The following ATR variants were observed in gnomAD, a reference collection of about 807,000 sequenced individuals.
The protein encoded by ATR is ATR checkpoint kinase.
Under a neutral mutation model 305.3 loss-of-function variants are expected in ATR, and 142 were observed. That is an observed-to-expected ratio of 0.47 (90% CI 0.41 to 0.53). The LOEUF is 0.53. ATR is among the 20% of genes least tolerant of loss of function. The pLI is 0.00. For synonymous variants in ATR, 1,050 were observed against 1,068.1 expected (o/e 0.98, Z 0.33); for missense variants, 2,135 against 3,133.1 (o/e 0.68, Z 7.60).
intron 44 of ATR, 110 bp downstream of exon 44, chr3:142,458,848 C>G: frequency 3.9e-6 from 5 of 1,290,070 alleles, no homozygotes; most frequent in Non-Finnish European, 4.4e-6. Flanking sequence ...CTCAGTATAA[C>G]TCAACTGTGA....
At chr3:142,473,890 C>A (rs557502700) in intron 36 of ATR, among the ~76,000 whole-genome samples, 1 of 150,762 alleles carries the variant, frequency 6.6e-6, no homozygotes, top group Non-Finnish European at 1.5e-5. Context: ...TTTTCTAGGT[C>A]CATACAAATT....
At chr3:142,477,827 G>A (rs1386275320) in intron 36 of ATR, among the ~76,000 whole-genome samples, 1 of 152,166 alleles carries the variant, frequency 6.6e-6, no homozygotes, top group African/African-American at 2.4e-5. Context: ...TTGGGAGGGT[G>A]TATGTGTCCA....
chr3:142,481,942 C>T (rs1476129978), intron 36 of ATR, among the ~76,000 whole-genome samples: 2 of 152,066 alleles, frequency 1.3e-5, no homozygotes, highest in African/African-American at 4.8e-5. Flanking sequence ...CTTGGCTTAG[C>T]TTCCCTTGTA....
chr3:142,512,273 C>A lies in ATR; in HGVS notation c.4839G>T (p.Lys1613Asn). ...KCPHSKSNRN[K>N]VDSMVSTVDY... ...GTGATAACTCACCCATTGAGTCTAC[C>A]TTATTTCTGTTTGATTTGCTGTGTG... Residue 1613 changes from lysine to asparagine, a missense_variant, in exon 27 of 47, where the codon AAG becomes AAT. Physicochemically the swap from Lys to Asn is moderately conservative, Grantham distance 94 (BLOSUM62 0). Transcript: ENST00000350721. 6.2e-7 allele frequency: 1 copy of A among 1,606,964 alleles called. No individual in the cohort carries two copies. Among genetic ancestry groups the A allele is most frequent in the Non-Finnish European group, 8.5e-7 (1 of 1,176,092 alleles).
chr3:142,571,207 C>T (rs2108501952), intron 1 of ATR, among the ~76,000 whole-genome samples: 1 of 152,272 alleles, frequency 6.6e-6, no homozygotes, highest in Admixed American at 6.5e-5. Flanking sequence ...GTGGCTCACG[C>T]CTGTAATACG....
At chr3:142,505,849 T>C (rs953625650) in intron 28 of ATR, among the ~76,000 whole-genome samples, 1 of 152,044 alleles carries the variant, frequency 6.6e-6, no homozygotes, top group Non-Finnish European at 1.5e-5. Flanking sequence ...AGACTGACGA[T>C]AGAGATTAGA....
chr3:142,450,005 C>G, intron 46 of ATR: 1 of 304,796 alleles, frequency 3.3e-6, no homozygotes, highest in Non-Finnish European at 6.2e-6. Flanking sequence ...TCTAAGTGAG[C>G]TACTTGGAAC....
In ATR at chr3:142,508,241, T is replaced by C. The variant is rs143109116; in HGVS notation, c.4853-132A>G. 9.8e-4 allele frequency: 737 copies of C among 751,170 alleles called. 4 individuals carry two copies. The highest frequency in any genetic ancestry group is 7.9e-3 in the African/African-American group (446 of 56,666). The allele number at this position is 751,170 out of a possible 1,614,324, so 46.5% of individuals were successfully genotyped here. The stretch of plus-strand genomic sequence containing the variant: ...ATATATTAGGATATCATATTTAGAA[T>C]GTAACTAACAACAGAACAATTGTTC... On this transcript the variant is annotated intron_variant, in intron 27 of 46. Transcript: ENST00000350721.
At chr3:142,531,955 G>A (rs1441334613) in intron 21 of ATR, among the ~76,000 whole-genome samples, 2 of 152,126 alleles carry the variant, frequency 1.3e-5, no homozygotes, top group East Asian at 3.9e-4. Flanking sequence ...ATTCTAACTG[G>A]TGTGAGATGG....
intron 32 of ATR, among the ~76,000 whole-genome samples, chr3:142,498,233 T>C (rs2031757269): frequency 6.6e-6 from 1 of 152,144 alleles, no homozygotes; most frequent in Admixed American, 6.5e-5. Context: ...TGGGGGGAAA[T>C]ATCAAACACA....
chr3:142,563,761 G>A (rs2034966918), intron 3 of ATR, among the ~76,000 whole-genome samples: 1 of 152,188 alleles, frequency 6.6e-6, no homozygotes, highest in Admixed American at 6.5e-5. Context: ...CATGTTGAAA[G>A]CCAAGACAAG....
chr3:142,572,992 T>A, intron 1 of ATR, among the ~76,000 whole-genome samples: 1 of 152,238 alleles, frequency 6.6e-6, no homozygotes, highest in East Asian at 1.9e-4. Flanking sequence ...TGTGCTTTAT[T>A]TCTCTCTGCA....
chr3:142,537,120 T>C (rs2033888135), intron 19 of ATR, among the ~76,000 whole-genome samples: 1 of 152,178 alleles, frequency 6.6e-6, no homozygotes, highest in Non-Finnish European at 1.5e-5. Context: ...AGTGCCTTCA[T>C]TCAGCAAGCT....
rs2070939888 is a variant in ATR, at chr3:142,457,840, T to C, written c.7504-85A>G. ...AAAGAACTTCATGTCCAGATTCTTT[T>C]AGCAAAAAGCAAAAATACCCTCAAA... On this transcript the variant is annotated intron_variant, in intron 44 of 46. Coordinates refer to ENST00000350721, the MANE Select transcript of ATR (RefSeq NM_001184.4). 20 of 1,473,212 alleles carry C rather than the reference T, an allele frequency of 1.4e-5. No homozygotes were observed. In the Admixed American group the frequency reaches 3.7e-4, roughly 27 times the overall value. 91.3% of individuals were successfully genotyped at this position (1,473,212 alleles called of 1,614,324 possible). A position where few individuals can be genotyped will look rare whatever the true frequency, so the allele number is the denominator to read the frequency against.
Position 142,466,432 on chromosome 3 carries a change from T to C in ATR, c.6789A>G (p.Gln2263=), listed in dbSNP as rs978229231. 6 of 1,613,738 alleles carry C rather than the reference T, an allele frequency of 3.7e-6. No homozygotes were observed. In the African/African-American group the frequency reaches 6.7e-5, roughly 18 times the overall value. ...ATFSEILIPL[Q]SVMIPTLPSI... is the part of the protein sequence containing the mutation. Reference sequence around the variant, plus strand: ...ATGGAAGTGTAGGTATCATGACTGATTGTAGAGGAATGAGGATTTCACTAA... The same window carrying C: ...ATGGAAGTGTAGGTATCATGACTGACTGTAGAGGAATGAGGATTTCACTAA... The change falls in exon 40 of 47, where the codon CAA becomes CAG. Residue 2263 remains glutamine, a synonymous_variant. Transcript: ENST00000350721.
At chr3:142,509,250 T>C (rs2032420228) in intron 27 of ATR, among the ~76,000 whole-genome samples, 1 of 152,148 alleles carries the variant, frequency 6.6e-6, no homozygotes, top group African/African-American at 2.4e-5. Flanking sequence ...CACTGCAGCC[T>C]TCACCTCCTG....
chr3:142,543,612 GTTCC>G (rs998281565), intron 16 of ATR, among the ~76,000 whole-genome samples: 2 of 144,654 alleles, frequency 1.4e-5, no homozygotes, highest in Admixed American at 7.1e-5. Flanking sequence ...TTTTCTTAGA[GTTCC>G]TTCCTTCCTT....
intron 21 of ATR, among the ~76,000 whole-genome samples, chr3:142,531,930 T>C (rs1469209481): frequency 6.6e-6 from 1 of 152,250 alleles, no homozygotes; most frequent in Admixed American, 6.5e-5. Context: ...GTTTCCTGAC[T>C]TTTTAATGAT....
Position 142,555,998 on chromosome 3 carries a change from G to C in ATR, c.2220C>G (p.Leu740=), listed in dbSNP as rs1456465949. 1.2e-6 allele frequency: 2 copies of C among 1,613,898 alleles called. No homozygotes were observed. Among genetic ancestry groups the C allele is most frequent in the Non-Finnish European group, 1.7e-6 (2 of 1,179,990 alleles). ...EPFSEHGHVD[L]FCRNLKATSQ... ...AAGTGGCTTTCAAGTTCCTACAGAA[G>C]AGGTCCACATGTCCGTGTTCAGAGA... The change falls in exon 10 of 47, where the codon CTC becomes CTG. Residue 740 remains leucine (L), a synonymous_variant. Transcript: ENST00000350721.
Sources: allele counts gnomAD v4.1 joint callset (sites outside exome capture counted in the v4.1 genomes callset), GRCh38; gene constraint gnomAD v4.1.1; transcripts MANE v1.5; gene names NCBI Gene and HGNC (gene_info 2026-07-23, HGNC 2026-07-21).